Variants in DOCK10 observed in about 807,000 individuals in gnomAD.
The protein encoded by DOCK10 is dedicator of cytokinesis 10.
In DOCK10, 145 loss-of-function variants were observed where a neutral mutation model predicts 280.1. The ratio of observed to expected loss-of-function variants is 0.52; its 90% CI spans 0.45 to 0.59. DOCK10 has a LOEUF of 0.59. Ranked by LOEUF, DOCK10 falls within the 20% of genes least tolerant of loss-of-function variation. DOCK10 has a pLI of 0.00. For synonymous variants in DOCK10, 915 were observed against 942.2 expected (o/e 0.97, Z 0.53); for missense variants, 2,368 against 2,651.7 (o/e 0.89, Z 2.35).
chr2:224,771,369 CAAAT>C (rs756341291), intron 53 of DOCK10, among the ~76,000 whole-genome samples: 20 of 152,178 alleles, frequency 1.3e-4, no homozygotes, highest in Admixed American at 3.9e-4. Context: ...TATTAACACT[CAAAT>C]AAACACATAC....
chr2:224,830,341 A>C, intron 27 of DOCK10, among the ~76,000 whole-genome samples, 200 bp downstream of exon 27: 1 of 152,090 alleles, frequency 6.6e-6, no homozygotes, highest in East Asian at 1.9e-4. Context: ...TTGCACTTCC[A>C]ATATTGTCTT....
At chr2:224,901,283 A>C (rs528885647) in intron 3 of DOCK10, among the ~76,000 whole-genome samples, 1 of 152,118 alleles carries the variant, frequency 6.6e-6, no homozygotes, top group Non-Finnish European at 1.5e-5. Context: ...CAGTAAGACA[A>C]TGACTCCAAT....
chr2:224,889,243 G>A (rs1413967518), intron 4 of DOCK10, among the ~76,000 whole-genome samples: 1 of 152,144 alleles, frequency 6.6e-6, no homozygotes, highest in African/African-American at 2.4e-5. Context: ...ACTTAAGTAT[G>A]CATAAAATTG....
Position 225,014,081 on chromosome 2 carries a change from A to ATATTTTT in DOCK10, c.123+28170_123+28171insAAAAATA, listed in dbSNP as rs776104946. ...AAAAAATCCCCAGAAGTCTGAATAT[A>ATATTTTT]TTGTTTTTTTTTTTTTGTTTTTTTT... On this transcript the variant is annotated intron_variant, in intron 1 of 55. Transcript: ENST00000258390. 8.9e-4 allele frequency among the ~76,000 whole-genome samples: 86 copies of ATATTTTT among 96,806 alleles called. 1 individual carries two copies. The highest frequency in any genetic ancestry group is 1.3e-3 in the Admixed American group (12 of 9,070). 63.5% of individuals were successfully genotyped at this position (96,806 alleles called of 152,430 possible).
intron 2 of DOCK10, among the ~76,000 whole-genome samples, chr2:224,927,745 A>G (rs1316764496): frequency 6.6e-6 from 1 of 152,184 alleles, no homozygotes; most frequent in African/African-American, 2.4e-5. Context: ...CTAGTCTAGG[A>G]AGTGCTGTTC....
chr2:225,001,289 CTTT>C (rs141808105), intron 1 of DOCK10, among the ~76,000 whole-genome samples: 4 of 128,238 alleles, frequency 3.1e-5, no homozygotes, highest in Admixed American at 7.7e-5. Flanking sequence ...TACAACAGAC[CTTT>C]TTTTTTTTTT....
intron 1 of DOCK10, among the ~76,000 whole-genome samples, chr2:225,007,227 A>G (rs1255699069): frequency 6.6e-6 from 1 of 152,194 alleles, no homozygotes; most frequent in Non-Finnish European, 1.5e-5. Flanking sequence ...AGAAGATTGT[A>G]TGAGTTTTAT....
At chr2:224,972,946 C>G (rs142626862) in intron 1 of DOCK10, among the ~76,000 whole-genome samples, 71 of 152,272 alleles carry the variant, frequency 4.7e-4, no homozygotes, top group Middle Eastern at 3.4e-3. Flanking sequence ...TGTGAATAAT[C>G]TATTCAATAA....
At chr2:224,782,636 C>T (rs867314591) in intron 50 of DOCK10, among the ~76,000 whole-genome samples, 14 of 152,116 alleles carry the variant, frequency 9.2e-5, no homozygotes, top group South Asian at 2.1e-4. Flanking sequence ...CTGCTATGAA[C>T]GATCAGTTTT....
chr2:224,788,928 A>T (rs1348893908), intron 48 of DOCK10, 136 bp downstream of exon 48: 1 of 602,540 alleles, frequency 1.7e-6, no homozygotes, highest in African/African-American at 1.9e-5. Context: ...GCTTAATTTT[A>T]GCCTGCATTT....
chr2:224,898,638 G>A (rs1213519318), intron 3 of DOCK10, among the ~76,000 whole-genome samples: 3 of 152,132 alleles, frequency 2.0e-5, no homozygotes, highest in African/African-American at 7.2e-5. Context: ...GTGCAGTGGC[G>A]CGATCTCAGC....
Position 225,042,220 on chromosome 2 carries a change from G to A in DOCK10, c.123+32C>T. On this transcript the variant is annotated intron_variant, in intron 1 of 55. Coordinates refer to ENST00000258390, the MANE Select transcript of DOCK10 (RefSeq NM_014689.3). This position sits in a 1 kb window ranked among gnomAD's most constrained non-coding sequence, Gnocchi z 5.1. ...CGTTCCCCCCGGGCGCCTGGGGCGC[G>A]CGGGAAGGCGCGGAGGACGCGCCGC... 5 of 1,237,550 alleles carry A rather than the reference G, an allele frequency of 4.0e-6. No homozygotes were observed. Among genetic ancestry groups the A allele is most frequent in the African/African-American group, 1.6e-5 (1 of 63,760 alleles). The allele number at this position is 1,237,550 out of a possible 1,614,324, so 76.7% of individuals were successfully genotyped here. A position where few individuals can be genotyped will look rare whatever the true frequency, so the allele number is the denominator to read the frequency against.
intron 51 of DOCK10, among the ~76,000 whole-genome samples, chr2:224,776,142 C>G (rs1690846444): frequency 6.6e-6 from 1 of 152,020 alleles, no homozygotes; most frequent in Non-Finnish European, 1.5e-5. Flanking sequence ...AGCTGGAGTT[C>G]TCAGCTTTTC....
At chr2:224,964,414 C>T (rs946018324) in intron 1 of DOCK10, among the ~76,000 whole-genome samples, 3 of 152,000 alleles carry the variant, frequency 2.0e-5, no homozygotes, top group African/African-American at 7.2e-5. Flanking sequence ...AACCATGGAC[C>T]CAGGAATAAA....
intron 31 of DOCK10, 104 bp from the exon 32 acceptor site, chr2:224,808,190 G>A (rs1451140919): frequency 4.7e-5 from 49 of 1,049,026 alleles, no homozygotes; most frequent in Non-Finnish European, 6.8e-5. Flanking sequence ...TCCACCACTA[G>A]GAGGGATTCA....
rs577269198 is a variant in DOCK10, at chr2:224,772,752, A to G, written c.6204+405T>C. Among the ~76,000 whole-genome samples, 12 of 152,358 alleles carry G rather than the reference A, an allele frequency of 7.9e-5. No individual in the cohort carries two copies. The South Asian group carries it at 2.5e-3, about 32-fold the overall frequency. On this transcript the variant is annotated intron_variant, in intron 53 of 55. Transcript: ENST00000258390. Reference sequence around the variant, plus strand: ...AACTCTGCCAGACAGATAAACATGCATGCACCTTTTATGAACTAGTAATCA... The same window carrying G: ...AACTCTGCCAGACAGATAAACATGCGTGCACCTTTTATGAACTAGTAATCA...
chr2:224,867,075 T>TACATAC (rs1697959770), intron 11 of DOCK10, among the ~76,000 whole-genome samples: 1 of 144,236 alleles, frequency 6.9e-6, no homozygotes, highest in South Asian at 2.2e-4. Flanking sequence ...AGCTAAGAAA[T>TACATAC]ACACACACAC....
At position 224,907,034 on chromosome 2, in the gene DOCK10, T is replaced by C. The variant is rs921976164; in HGVS notation, c.333+9661A>G. ...ATCAGTGGGACAAGAAATTTCTATGTAAATTTCACTCTTTGTAAAGATAAT... is the reference window on the plus strand; with the variant it reads ...ATCAGTGGGACAAGAAATTTCTATGCAAATTTCACTCTTTGTAAAGATAAT... On this transcript the variant is annotated intron_variant, in intron 3 of 55. Coordinates refer to ENST00000258390, the MANE Select transcript of DOCK10 (RefSeq NM_014689.3). 2.6e-5 allele frequency among the ~76,000 whole-genome samples: 4 copies of C among 152,356 alleles called. No individual in the cohort carries two copies. In the East Asian group the frequency reaches 5.8e-4, roughly 22 times the overall value.
chr2:224,930,289 T>A (rs927680661), intron 2 of DOCK10, among the ~76,000 whole-genome samples: 2 of 146,010 alleles, frequency 1.4e-5, no homozygotes, highest in Non-Finnish European at 3.0e-5. Context: ...AAAATGAAAA[T>A]GAGGATGTGG....
Sources: gnomAD v4.1 joint callset for allele counts (sites outside exome capture counted in the v4.1 genomes callset) on GRCh38, gnomAD v4.1.1 for gene constraint, Gnocchi (gnomAD v3.1) non-coding constraint, MANE v1.5 for transcripts, NCBI Gene and HGNC (gene_info 2026-07-23, HGNC 2026-07-21) for gene names.